PUM1: variants seen among roughly 807,000 people sequenced by gnomAD.
The protein encoded by PUM1 is pumilio RNA binding family member 1, also known as pumilio homolog 1.
Under a neutral mutation model 131.8 loss-of-function variants are expected in PUM1, and 13 were observed. That is an observed-to-expected ratio of 0.10 (90% CI 0.06 to 0.16). PUM1 has a LOEUF of 0.16. Among genes scored for constraint, PUM1 ranks in the 10% least tolerant of loss-of-function variants. The probability of loss-of-function intolerance (pLI) is 1.00; values close to 1 mark genes in which losing one functional copy is unlikely to be tolerated. For synonymous variants in PUM1, 509 were observed against 556.5 expected (o/e 0.91, Z 1.20); for missense variants, 961 against 1,512.4 (o/e 0.64, Z 6.05).
chr1:30,935,027 C>A (rs185785775), intron 21 of PUM1, among the ~76,000 whole-genome samples: 2 of 152,180 alleles, frequency 1.3e-5, no homozygotes, highest in Non-Finnish European at 2.9e-5. Flanking sequence ...AACTGCTAAG[C>A]CCTACCAATT....
chr1:31,032,877 G>A (rs576077824), intron 2 of PUM1, among the ~76,000 whole-genome samples: 9 of 152,218 alleles, frequency 5.9e-5, no homozygotes, highest in East Asian at 3.9e-4. Flanking sequence ...AGGCTAAGGC[G>A]GGCAGATCAC....
intron 13 of PUM1, among the ~76,000 whole-genome samples, 187 bp from the exon 14 acceptor site, chr1:30,965,097 A>G (rs2124438443): frequency 1.3e-5 from 2 of 152,298 alleles, no homozygotes; most frequent in East Asian, 3.9e-4. Context: ...GCTCAGGTTA[A>G]CATGACCATC....
Position 30,967,230 on chromosome 1 carries a change from C to T in PUM1, c.1726G>A (p.Gly576Arg). 1 of 1,614,084 alleles carries T rather than the reference C, an allele frequency of 6.2e-7. No homozygotes were observed. Among genetic ancestry groups the T allele is most frequent in the Non-Finnish European group, 8.5e-7 (1 of 1,180,006 alleles). Reference sequence around the variant, plus strand: ...GGAGCTACAAGTCGAACAGGAGCTCCAAGACCATTTCTCGCGCCTGCATTC... The same window carrying T: ...GGAGCTACAAGTCGAACAGGAGCTCTAAGACCATTTCTCGCGCCTGCATTC... ...VVNAGARNGL[G>R]APVRLVAPAP... Residue 576 changes from glycine (G) to arginine (R), a missense_variant, in exon 12 of 22, where the codon GGA becomes AGA. By Grantham distance (125) the Gly-to-Arg change is moderately radical (BLOSUM62 -2). Coordinates refer to ENST00000426105, the MANE Select transcript of PUM1 (RefSeq NM_001020658.2).
intron 21 of PUM1, among the ~76,000 whole-genome samples, chr1:30,934,206 C>T (rs1191767785): frequency 6.6e-6 from 1 of 152,182 alleles, no homozygotes; most frequent in Non-Finnish European, 1.5e-5. Flanking sequence ...CTGGAAGCCC[C>T]TTTTCTTTTC....
rs752060985 is a variant in PUM1 at position 30,936,733 on chromosome 1, G to A, written c.3345C>T (p.Tyr1115=). ...TMNDGPHSAL[Y]TMMKDQYANY... is the part of the protein sequence containing the mutation. ...TGGCATACTGGTCCTTCATCATGGT[G>A]TATAAGGCACTGTGGGGACCGTCGT... is the stretch of plus-strand genomic sequence containing the variant. The change falls in exon 21 of 22, where the codon TAC becomes TAT. Residue 1115 remains tyrosine, a synonymous_variant. Coordinates refer to ENST00000426105, the MANE Select transcript of PUM1 (RefSeq NM_001020658.2). 1.9e-6 allele frequency: 3 copies of A among 1,614,122 alleles called. No individual in the cohort carries two copies. Among genetic ancestry groups the A allele is most frequent in the African/African-American group, 1.3e-5 (1 of 75,036 alleles).
chr1:30,980,020 T>C (rs1369289867), intron 9 of PUM1, 42 bp downstream of exon 9: 5 of 1,408,376 alleles, frequency 3.6e-6, no homozygotes, highest in East Asian at 2.3e-5. Flanking sequence ...CAAATGACTT[T>C]TCAGCAGGTG....
chr1:31,065,597 GT>G lies in PUM1; in HGVS notation c.-12+18del. On this transcript the variant is annotated intron_variant, in intron 1 of 21. Coordinates refer to ENST00000426105, the MANE Select transcript of PUM1 (RefSeq NM_001020658.2). ...GGGTCCGGAGCAGCGTTTGGGGCCGGTGGGGTGCGGATACTCACGGGCGGAG... is the reference window on the plus strand; with the variant it reads ...GGGTCCGGAGCAGCGTTTGGGGCCGGGGGGTGCGGATACTCACGGGCGGAG... The G allele has an allele frequency of 6.5e-7, 1 of 1,544,436 alleles. No individual in the cohort carries two copies. The highest frequency in any genetic ancestry group is 8.7e-7 in the Non-Finnish European group (1 of 1,146,132).
intron 17 of PUM1, among the ~76,000 whole-genome samples, chr1:30,948,438 G>GA (rs1639773402): frequency 6.6e-6 from 1 of 151,990 alleles, no homozygotes; most frequent in African/African-American, 2.4e-5. Flanking sequence ...AACATGACCA[G>GA]AAAAAATATG....
chr1:31,032,563 CT>C (rs150774805), intron 2 of PUM1, among the ~76,000 whole-genome samples: 11,910 of 48,102 alleles, frequency 0.25, 640 homozygotes, highest in East Asian at 0.47. Context: ...GTGGCGTGAT[CT>C]TTTTTTTAAA....
intron 16 of PUM1, among the ~76,000 whole-genome samples, chr1:30,951,311 A>C (rs1639924652): frequency 6.6e-6 from 1 of 152,232 alleles, no homozygotes; most frequent in African/African-American, 2.4e-5. Flanking sequence ...TCTAAAATCA[A>C]AAATACAAAA....
At chr1:31,016,731 T>TG (rs1642832826) in intron 3 of PUM1, among the ~76,000 whole-genome samples, 1 of 152,192 alleles carries the variant, frequency 6.6e-6, no homozygotes, top group African/African-American at 2.4e-5. Context: ...TTTACCCTGT[T>TG]GTTTCAAATG....
chr1:30,980,914 T>A (rs1225990224), intron 8 of PUM1, among the ~76,000 whole-genome samples: 10 of 152,232 alleles, frequency 6.6e-5, no homozygotes, highest in Non-Finnish European at 1.5e-4. Flanking sequence ...TTTCAATGCA[T>A]ACTTACTGGA....
rs1361672557 is a variant in PUM1, at chr1:31,012,201, G to GT, written c.433-5100dup. The stretch of plus-strand genomic sequence containing the variant: ...AACCATCCTTGTCCATCTAAGAGTT[G>GT]TTTTTTTTCCTTAAAAAAAAAAAAT... On this transcript the variant is annotated intron_variant, in intron 3 of 21. Coordinates refer to ENST00000426105, the MANE Select transcript of PUM1 (RefSeq NM_001020658.2). 2.7e-3 allele frequency among the ~76,000 whole-genome samples: 262 copies of GT among 96,540 alleles called. 2 individuals are homozygous for GT. The highest frequency in any genetic ancestry group is 6.6e-3 in the South Asian group (16 of 2,412). The allele number at this position is 96,540 out of a possible 152,430, so 63.3% of individuals were successfully genotyped here. A position where few individuals can be genotyped will look rare whatever the true frequency, so the allele number is the denominator to read the frequency against.
intron 14 of PUM1, among the ~76,000 whole-genome samples, chr1:30,963,605 T>A (rs181033935): frequency 1.5e-3 from 231 of 152,372 alleles, no homozygotes; most frequent in East Asian, 0.01. Context: ...TTGAATCTTA[T>A]AAATCACTTT....
At chr1:31,058,215 C>T (rs1379493340) in intron 2 of PUM1, among the ~76,000 whole-genome samples, 2 of 152,158 alleles carry the variant, frequency 1.3e-5, no homozygotes, top group African/African-American at 4.8e-5. Flanking sequence ...TTATCAACTT[C>T]CCCCTACTTT....
Position 31,059,445 on chromosome 1 carries a change from C to G in PUM1, c.122G>C (p.Gly41Ala). ...NPNMPVVLTS[G>A]TGSQAQPQPA... ...TTGTGGCTGCGCTTGCGACCCTGTTCCAGATGTCAAAACAACAGGCATGTT... is the reference window on the plus strand; with the variant it reads ...TTGTGGCTGCGCTTGCGACCCTGTTGCAGATGTCAAAACAACAGGCATGTT... Residue 41 changes from glycine to alanine, a missense_variant, in exon 2 of 22, where the codon GGA becomes GCA. Gly to Ala is a moderately conservative substitution (Grantham distance 60, BLOSUM62 0). Transcript: ENST00000426105. The G allele has an allele frequency of 6.2e-7, 1 of 1,614,126 alleles. No individual in the cohort carries two copies. Among genetic ancestry groups the G allele is most frequent in the Non-Finnish European group, 8.5e-7 (1 of 1,180,028 alleles).
At chr1:31,043,649 T>C (rs1337711220) in intron 2 of PUM1, among the ~76,000 whole-genome samples, 1 of 152,224 alleles carries the variant, frequency 6.6e-6, no homozygotes, top group Non-Finnish European at 1.5e-5. Context: ...CAACTGCATA[T>C]TCATTGCATC....
intron 21 of PUM1, among the ~76,000 whole-genome samples, chr1:30,934,862 T>TC (rs1387864495): frequency 3.3e-5 from 5 of 152,144 alleles, no homozygotes; most frequent in Non-Finnish European, 1.5e-5. Context: ...CATGTTGAAC[T>TC]CCATTTTTTA....
At chr1:31,002,735 A>G (rs1642261505) in intron 5 of PUM1, among the ~76,000 whole-genome samples, 2 of 152,228 alleles carry the variant, frequency 1.3e-5, no homozygotes, top group Admixed American at 6.5e-5. Flanking sequence ...CTGCTCTCCT[A>G]AAGTTTGAGA....
Sources: allele counts gnomAD v4.1 joint callset (sites outside exome capture counted in the v4.1 genomes callset), GRCh38; gene constraint gnomAD v4.1.1; transcripts MANE v1.5; gene names NCBI Gene and HGNC (gene_info 2026-07-23, HGNC 2026-07-21).